The following HDAC9 variants were observed in gnomAD, a reference collection of about 807,000 sequenced individuals.
The protein encoded by HDAC9 is MEF-2 interacting transcription repressor (MITR) protein.
Under a neutral mutation model 139.4 loss-of-function variants are expected in HDAC9, and 41 were observed. That is an observed-to-expected ratio of 0.29 (90% CI 0.23 to 0.38). The LOEUF (loss-of-function observed/expected upper bound fraction) is 0.38. HDAC9 is among the 10% of genes least tolerant of loss of function. HDAC9 has a pLI of 1.00. For synonymous variants in HDAC9, 517 were observed against 476.2 expected (o/e 1.09, Z -1.12); for missense variants, 1,147 against 1,297.0 (o/e 0.88, Z 1.78).
chr7:18,922,266 T>G (rs1258646463), intron 22 of HDAC9, among the ~76,000 whole-genome samples: 3 of 152,080 alleles, frequency 2.0e-5, no homozygotes, highest in Non-Finnish European at 4.4e-5. Flanking sequence ...ATAAATTGCT[T>G]TTATAACAAG....
intron 23 of HDAC9, among the ~76,000 whole-genome samples, chr7:18,940,779 G>A (rs1001742853): frequency 3.3e-5 from 5 of 152,064 alleles, no homozygotes; most frequent in Non-Finnish European, 7.4e-5. Context: ...GTGGCACCCC[G>A]GGTTACTTCC....
At chr7:18,906,635 G>A (rs1392152113) in intron 22 of HDAC9, among the ~76,000 whole-genome samples, 1 of 152,154 alleles carries the variant, frequency 6.6e-6, no homozygotes, top group Non-Finnish European at 1.5e-5. Flanking sequence ...GGCAAAGGAA[G>A]CCCAGTTTAT....
At chr7:18,290,658 T>C (rs1297782207) in intron 1 of HDAC9, 3 of 389,594 alleles carry the variant, frequency 7.7e-6, no homozygotes, top group East Asian at 1.4e-4. Context: ...AAGCAAAAGG[T>C]TTTCCAATCA....
At chr7:18,210,290 ATTG>A (rs1791845940) in intron 2 of HDAC9, among the ~76,000 whole-genome samples, 1 of 152,198 alleles carries the variant, frequency 6.6e-6, no homozygotes. Flanking sequence ...TTATAATTAG[ATTG>A]TTAATTTTCA....
intron 2 of HDAC9, among the ~76,000 whole-genome samples, chr7:18,213,282 T>A (rs1271964741): frequency 1.3e-5 from 2 of 152,186 alleles, no homozygotes; most frequent in Non-Finnish European, 2.9e-5. Flanking sequence ...GCAGTATTCA[T>A]GACCTCCCCC....
intron 1 of HDAC9, among the ~76,000 whole-genome samples, chr7:18,384,078 A>G (rs117566737): frequency 0.039 from 5,890 of 152,266 alleles, 131 homozygotes; most frequent in Middle Eastern, 0.068. Context: ...TGGGAGGCCA[A>G]GGTGGGAGGA....
Position 18,887,958 on chromosome 7 carries a change from T to C in HDAC9, c.2803+13362T>C, listed in dbSNP as rs1027847442. On this transcript the variant is annotated intron_variant, in intron 22 of 25. Coordinates refer to ENST00000686413, the MANE Select transcript of HDAC9 (RefSeq NM_178425.4). ...CAGCTCTTAGAATTCCTCAGAATGA[T>C]AGAAATTTAGCCACCTTTACCCAAT... 4.6e-5 allele frequency among the ~76,000 whole-genome samples: 7 copies of C among 152,110 alleles called. No individual in the cohort carries two copies. The East Asian group carries it at 9.7e-4, about 21-fold the overall frequency.
At chr7:18,296,358 T>A (rs187175684) in intron 1 of HDAC9, among the ~76,000 whole-genome samples, 15 of 152,018 alleles carry the variant, frequency 9.9e-5, no homozygotes, top group Admixed American at 8.5e-4. Context: ...CCTGTAAAGA[T>A]CTACGTCTTT....
chr7:18,392,399 GGATA>G (rs58794891), intron 1 of HDAC9, among the ~76,000 whole-genome samples: 52,183 of 146,614 alleles, frequency 0.36, 9,905 homozygotes, highest in Non-Finnish European at 0.42. Flanking sequence ...ATAGATAGAT[GGATA>G]GATAGATAGA....
At chr7:18,950,540 C>A (rs2129321636) in intron 23 of HDAC9, among the ~76,000 whole-genome samples, 1 of 152,144 alleles carries the variant, frequency 6.6e-6, no homozygotes, top group South Asian at 2.1e-4. Flanking sequence ...AGTATTTCTC[C>A]ATTTATTCAA....
intron 11 of HDAC9, among the ~76,000 whole-genome samples, chr7:18,653,809 A>G (rs537277365): frequency 6.6e-6 from 1 of 152,232 alleles, no homozygotes; most frequent in Non-Finnish European, 1.5e-5. Context: ...TTGACTGTTT[A>G]TTTGAGTAGT....
At chr7:18,304,113 T>G (rs1197381717) in intron 1 of HDAC9, among the ~76,000 whole-genome samples, 1 of 152,226 alleles carries the variant, frequency 6.6e-6, no homozygotes, top group African/African-American at 2.4e-5. Flanking sequence ...AAGCCCCAGG[T>G]TCCTCCTGTG....
At chr7:18,319,361 G>C (rs544990748) in intron 1 of HDAC9, among the ~76,000 whole-genome samples, 1 of 151,992 alleles carries the variant, frequency 6.6e-6, no homozygotes, top group East Asian at 1.9e-4. Context: ...TTTAAAATTA[G>C]GCACAATGTA....
rs1782614853 is a variant in HDAC9, at chr7:18,097,958, A to AT, written c.-97+10746dup. On this transcript the variant is annotated intron_variant, in intron 1 of 12. Transcript: ENST00000417496. ...TGATGTTGTGTACTAACGTCTACTG[A>AT]TAGTCTAAACACATTTCAAATTTAT... is the stretch of plus-strand genomic sequence containing the variant. Among the ~76,000 whole-genome samples, 3 of 152,286 alleles carry AT rather than the reference A, an allele frequency of 2.0e-5. No individual in the cohort carries two copies. The South Asian group carries it at 6.2e-4, about 32-fold the overall frequency.
chr7:18,696,542 A>G (rs1783063155), intron 12 of HDAC9, among the ~76,000 whole-genome samples: 1 of 150,592 alleles, frequency 6.6e-6, no homozygotes, highest in Non-Finnish European at 1.5e-5. Flanking sequence ...ATCTTGGCTC[A>G]CTACAACCTC....
chr7:18,252,162 A>C (rs1794956731), intron 2 of HDAC9, among the ~76,000 whole-genome samples: 1 of 151,920 alleles, frequency 6.6e-6, no homozygotes, highest in Non-Finnish European at 1.5e-5. Flanking sequence ...AAGTTGGGAC[A>C]AAAAAAATAT....
At chr7:18,712,847 A>G (rs1230308535) in intron 12 of HDAC9, among the ~76,000 whole-genome samples, 1 of 152,176 alleles carries the variant, frequency 6.6e-6, no homozygotes, top group Non-Finnish European at 1.5e-5. Flanking sequence ...TTTCAAGGAG[A>G]TGAAATAACT....
At chr7:18,329,821 G>A (rs1800772298) in intron 1 of HDAC9, among the ~76,000 whole-genome samples, 1 of 151,698 alleles carries the variant, frequency 6.6e-6, no homozygotes, top group African/African-American at 2.4e-5. Context: ...TACTAACCCA[G>A]CTCTCTAGCT....
At chr7:18,656,047 CTTT>C (rs537627975) in intron 11 of HDAC9, among the ~76,000 whole-genome samples, 1 of 137,610 alleles carries the variant, frequency 7.3e-6, no homozygotes, top group Non-Finnish European at 1.6e-5. Flanking sequence ...GTAGCAGTCT[CTTT>C]TTTTTTTTTT....
Sources: gnomAD v4.1 joint callset for allele counts (sites outside exome capture counted in the v4.1 genomes callset) on GRCh38, gnomAD v4.1.1 for gene constraint, MANE v1.5 for transcripts, NCBI Gene and HGNC (gene_info 2026-07-23, HGNC 2026-07-21) for gene names.